Variants in DDX5 observed in about 807,000 individuals in gnomAD.
DDX5 encodes the protein probable ATP-dependent RNA helicase DDX5.
In DDX5, 6 loss-of-function variants were observed where a neutral mutation model predicts 68.6. The ratio of observed to expected loss-of-function variants is 0.09; its 90% CI spans 0.05 to 0.17. The LOEUF (loss-of-function observed/expected upper bound fraction) is 0.17. Among genes scored for constraint, DDX5 ranks in the 10% least tolerant of loss-of-function variants. DDX5 has a pLI of 1.00. For missense variants in DDX5, 499 were observed against 756.1 expected (o/e 0.66, Z 3.99); for synonymous variants, 350 against 247.0 (o/e 1.42, Z -3.91).
At chr17:64,506,671 T>C (rs887839448), upstream of DDX5, 2 of 344,016 alleles carry the variant, frequency 5.8e-6, no homozygotes, top group Non-Finnish European at 1.1e-5. Context: ...GTCACGTGGC[T>C]GTACCACCCC....
Position 64,503,581 on chromosome 17 carries a change from G to A in DDX5, c.508-10C>T, listed in dbSNP as rs199526808. The A allele has an allele frequency of 6.9e-5, 111 of 1,612,932 alleles. No individual in the cohort carries two copies. The African/African-American group carries it at 1.2e-3, about 18-fold the overall frequency. The stretch of plus-strand genomic sequence containing the variant: ...GTGCCAGCACCAAACACTAAGGAAA[G>A]AGAAACAGCTTTCAGCACAAACCTG... On this transcript the variant is annotated splice_polypyrimidine_tract_variant and intron_variant, in intron 5 of 12. Coordinates refer to ENST00000225792, the MANE Select transcript of DDX5 (RefSeq NM_004396.5).
chr17:64,504,550 C>T (rs1232468153), intron 2 of DDX5, 127 bp downstream of exon 2: 3 of 1,197,212 alleles, frequency 2.5e-6, no homozygotes, highest in African/African-American at 3.1e-5. Flanking sequence ...TCACACCTTT[C>T]CCAATTATGA....
intron 1 of DDX5, 194 bp downstream of exon 1, chr17:64,505,882 A>G: frequency 6.5e-7 from 1 of 1,536,028 alleles, no homozygotes; most frequent in Non-Finnish European, 8.7e-7. Context: ...AGCAAGCTTG[A>G]AGACACTACA....
At chr17:64,505,594 C>T (rs2038457289) in intron 1 of DDX5, 8 of 820,116 alleles carry the variant, frequency 9.8e-6, no homozygotes, top group South Asian at 1.5e-5. Context: ...GCGCCGCCGC[C>T]ATGTCCGAGG....
rs1555670922 is a variant in DDX5, at chr17:64,500,652, T to G, written c.1338A>C (p.Thr446=). The change falls in exon 12 of 13, where the codon ACA becomes ACC. Residue 446 remains threonine, a synonymous_variant. Transcript: ENST00000225792. ...TKTGTAYTFF[T]PNNIKQVSDL... ...CGCTCACTTGCTTTATGTTATTAGG[T>G]GTAAAGAAAGTGTATGCTGTGCCTG... 2 of 1,614,036 alleles carry G rather than the reference T, an allele frequency of 1.2e-6. No individual in the cohort carries two copies. Among genetic ancestry groups the G allele is most frequent in the Non-Finnish European group, 1.7e-6 (2 of 1,180,004 alleles).
intron 8 of DDX5, 91 bp downstream of exon 8, chr17:64,502,835 A>C (rs2038333895): frequency 7.6e-7 from 1 of 1,309,398 alleles, no homozygotes; most frequent in Admixed American, 2.6e-5. Context: ...ACACCAACTG[A>C]AATAACCTAA....
intron 10 of DDX5, 21 bp from the exon 11 acceptor site, chr17:64,502,090 A>G (rs782650739): frequency 6.2e-6 from 10 of 1,614,026 alleles, no homozygotes; most frequent in South Asian, 1.1e-5. Context: ...AGGCATATAC[A>G]TGATCAATTA....
chr17:64,503,911 A>C, intron 4 of DDX5, 43 bp from the exon 5 acceptor site: 1 of 1,613,822 alleles, frequency 6.2e-7, no homozygotes, highest in Non-Finnish European at 8.5e-7. Flanking sequence ...TCACATTAAA[A>C]TACTCGTTTT....
Position 64,499,794 on chromosome 17 carries a change from C to T in DDX5, c.*129G>A, listed in dbSNP as rs1598144476. The T allele has an allele frequency of 2.4e-6, 2 of 838,870 alleles. No homozygotes were observed. Among genetic ancestry groups the T allele is most frequent in the East Asian group, 5.7e-5 (2 of 35,152 alleles). The allele number at this position is 838,870 out of a possible 1,614,324, so 52.0% of individuals were successfully genotyped here. A position where few individuals can be genotyped will look rare whatever the true frequency, so the allele number is the denominator to read the frequency against. On this transcript the variant is annotated 3_prime_UTR_variant, in exon 13 of 13. Coordinates refer to ENST00000225792, the MANE Select transcript of DDX5 (RefSeq NM_004396.5). ...ATCCAACTTAAATAGCGAAAAAGTGCACCATAATTACTGCTGCACTGCAGT... is the reference window on the plus strand; with the variant it reads ...ATCCAACTTAAATAGCGAAAAAGTGTACCATAATTACTGCTGCACTGCAGT...
Position 64,503,110 on chromosome 17 carries a change from TG to T in DDX5, c.811-13del. The T allele has an allele frequency of 6.2e-7, 1 of 1,611,654 alleles. No homozygotes were observed. The highest frequency in any genetic ancestry group is 8.5e-7 in the Non-Finnish European group (1 of 1,178,346). ...GTTTGCCTATCAGGCTAATGGATTT[TG>T]GGGGGAAAAATTAGTATCAGACTCT... On this transcript the variant is annotated splice_polypyrimidine_tract_variant and intron_variant, in intron 7 of 12. Coordinates refer to ENST00000225792, the MANE Select transcript of DDX5 (RefSeq NM_004396.5).
Position 64,503,878 on chromosome 17 carries a change from G to A in DDX5, c.442-10C>T. ...TGGCAGGAAGCAAATACTATTTAGG[G>A]TGAAAGTGGGGACAAACAGAAATCA... On this transcript the variant is annotated splice_polypyrimidine_tract_variant and intron_variant, in intron 4 of 12. Coordinates refer to ENST00000225792, the MANE Select transcript of DDX5 (RefSeq NM_004396.5). 3 of 1,614,154 alleles carry A rather than the reference G, an allele frequency of 1.9e-6. No homozygotes were observed. The highest frequency in any genetic ancestry group is 2.5e-6 in the Non-Finnish European group (3 of 1,180,008).
intron 8 of DDX5, 108 bp downstream of exon 8, chr17:64,502,818 T>G: frequency 8.6e-7 from 1 of 1,164,260 alleles, no homozygotes; most frequent in Non-Finnish European, 1.2e-6. Context: ...GCTAACTAAA[T>G]GAAATCACAC....
chr17:64,504,824 A>G lies in DDX5; in HGVS notation c.63T>C (p.Phe21=), dbSNP rs782655384. The G allele has an allele frequency of 1.9e-5, 30 of 1,603,310 alleles. No homozygotes were observed. Among genetic ancestry groups the G allele is most frequent in the Non-Finnish European group, 2.5e-5 (30 of 1,177,274 alleles). Residue 21 remains phenylalanine (F), a synonymous_variant, in exon 2 of 13, where the codon TTT becomes TTC. Coordinates refer to ENST00000225792, the MANE Select transcript of DDX5 (RefSeq NM_004396.5). ...GRDRGFGAPR[F]GGSRAGPLSG... is the part of the protein sequence containing the mutation. ...ATAAGGGCCCTGCCCTACTTCCTCC[A>G]AATCGAGGTGCACCAAACCTGGAAT...
In DDX5 at chr17:64,502,243, G is replaced by T. The variant is rs782144943; in HGVS notation, c.1095-20C>A. The T allele has an allele frequency of 3.7e-6, 6 of 1,613,236 alleles. No homozygotes were observed. The South Asian group carries it at 4.4e-5, about 12-fold the overall frequency. ...GGCCACCTAAGTTAAAAGACAAGTT[G>T]TGTTATTAAACTCACATTGAAAACC... On this transcript the variant is annotated intron_variant, in intron 9 of 12. Coordinates refer to ENST00000225792, the MANE Select transcript of DDX5 (RefSeq NM_004396.5).
chr17:64,504,158 A>G (rs782143464), intron 3 of DDX5, 42 bp from the exon 4 acceptor site: 2 of 1,613,222 alleles, frequency 1.2e-6, no homozygotes, highest in South Asian at 2.2e-5. Context: ...TAGTGATGCC[A>G]AGAAAAAGAG....
In DDX5 at chr17:64,499,887, T is replaced by G. The variant is rs1385496439; in HGVS notation, c.*36A>C. On this transcript the variant is annotated 3_prime_UTR_variant, in exon 13 of 13. Transcript: ENST00000225792. ...GATAACACACAATATAAAGAGCAAT[T>G]ATGAAAAACAGACATTTACATATAC... 1 of 1,516,074 alleles carries G rather than the reference T, an allele frequency of 6.6e-7. No homozygotes were observed. The highest frequency in any genetic ancestry group is 2.0e-4 in the Middle Eastern group (1 of 4,886). The allele number at this position is 1,516,074 out of a possible 1,614,324, so 93.9% of individuals were successfully genotyped here.
rs1555671659 is a variant in DDX5, at chr17:64,504,191, C to T, written c.307+31G>A. On this transcript the variant is annotated intron_variant, in intron 3 of 12. Transcript: ENST00000225792. ...GAGGGGGTAGGTGGAAACAAAAACA[C>T]GGGTAGGTAGAACTGAAAAGTAGCA... is the stretch of plus-strand genomic sequence containing the variant. 13 of 1,612,176 alleles carry T rather than the reference C, an allele frequency of 8.1e-6. No homozygotes were observed. The Admixed American group carries it at 1.2e-4, about 14-fold the overall frequency.
chr17:64,500,153 T>G lies in DDX5; in HGVS notation c.1615A>C (p.Asn539His), dbSNP rs999581421. The G allele has an allele frequency of 7.4e-6, 12 of 1,614,218 alleles. No homozygotes were observed. Among genetic ancestry groups the G allele is most frequent in the Non-Finnish European group, 1.0e-5 (12 of 1,180,034 alleles). ...KTQNGVYSAA[N>H]YTNGSFGSNF... The stretch of plus-strand genomic sequence containing the variant: ...CTTCCAAAGCTCCCATTGGTGTAAT[T>G]TGCAGCACTGTAAACACCATTCTGA... Residue 539 changes from asparagine to histidine, a missense_variant, in exon 13 of 13, where the codon AAT becomes CAT. Coordinates refer to ENST00000225792, the MANE Select transcript of DDX5 (RefSeq NM_004396.5).
chr17:64,502,796 C>T (rs2038332671), intron 8 of DDX5, 130 bp downstream of exon 8: 1 of 959,834 alleles, frequency 1.0e-6, no homozygotes, highest in Non-Finnish European at 1.5e-6. Context: ...AAGAAATTTT[C>T]AGGATTAGTA....
Sources: allele counts gnomAD v4.1 joint callset, GRCh38; gene constraint gnomAD v4.1.1; transcripts MANE v1.5; gene names NCBI Gene and HGNC (gene_info 2026-07-23, HGNC 2026-07-21).